Variants in RBMS1 observed in about 807,000 individuals in gnomAD.
RBMS1 encodes the protein RNA-binding motif, single-stranded-interacting protein 1.
Under a neutral mutation model 62.3 loss-of-function variants are expected in RBMS1, and 17 were observed. That is an observed-to-expected ratio of 0.27 (90% CI 0.19 to 0.41). The LOEUF (loss-of-function observed/expected upper bound fraction) is 0.41. Among genes scored for constraint, RBMS1 ranks in the 10% least tolerant of loss-of-function variants. The pLI is 1.00. For missense variants in RBMS1, 334 were observed against 504.5 expected, an observed-to-expected ratio of 0.66 and a Z score of 3.24; for synonymous variants, 172 against 170.0, an observed-to-expected ratio of 1.01 and a Z score of -0.09.
At chr2:160,483,390 TA>T in intron 1 of RBMS1, among the ~76,000 whole-genome samples, 1 of 152,330 alleles carries the variant, frequency 6.6e-6, no homozygotes, top group Middle Eastern at 3.4e-3. Flanking sequence ...TACTTCCTAT[TA>T]TGCTAATTAA....
intron 2 of RBMS1, among the ~76,000 whole-genome samples, chr2:160,322,515 C>T (rs1443907287): frequency 6.6e-6 from 1 of 152,156 alleles, no homozygotes; most frequent in Non-Finnish European, 1.5e-5. Context: ...TGTGGTTTTC[C>T]TTGCAAGTTG....
chr2:160,304,833 T>C (rs576130595), intron 4 of RBMS1, among the ~76,000 whole-genome samples: 70 of 152,236 alleles, frequency 4.6e-4, no homozygotes, highest in African/African-American at 1.5e-3. Flanking sequence ...AAAGTTACAA[T>C]AAGCTGATTC....
At chr2:160,368,813 T>C (rs1231286756) in intron 1 of RBMS1, among the ~76,000 whole-genome samples, 2 of 152,068 alleles carry the variant, frequency 1.3e-5, no homozygotes, top group Admixed American at 6.6e-5. Context: ...CTAATTTTTG[T>C]ATTTTTAGTA....
At chr2:160,493,092 C>T (rs1276455181) in intron 1 of RBMS1, 197 bp downstream of exon 1, 1 of 559,136 alleles carries the variant, frequency 1.8e-6, no homozygotes, top group East Asian at 3.2e-5. Context: ...ACCCGATCCC[C>T]GCACTCCGCT....
intron 1 of RBMS1, among the ~76,000 whole-genome samples, chr2:160,419,526 A>G (rs987635302): frequency 4.6e-5 from 7 of 152,216 alleles, no homozygotes; most frequent in African/African-American, 1.7e-4. Context: ...TTAAAAGGTT[A>G]TATCAGTAAA....
At chr2:160,414,656 ATAGT>A (rs879908494) in intron 1 of RBMS1, among the ~76,000 whole-genome samples, 1 of 152,168 alleles carries the variant, frequency 6.6e-6, no homozygotes, top group Non-Finnish European at 1.5e-5. Context: ...CTCTGGCATA[ATAGT>A]TAATAAAAAT....
At chr2:160,326,189 C>T (rs1573865363) in intron 2 of RBMS1, among the ~76,000 whole-genome samples, 1 of 152,164 alleles carries the variant, frequency 6.6e-6, no homozygotes, top group Admixed American at 6.5e-5. Context: ...AAGATAAGTA[C>T]AGTCAAGAAA....
intron 4 of RBMS1, among the ~76,000 whole-genome samples, chr2:160,312,085 G>T (rs935401439): frequency 2.0e-5 from 3 of 152,198 alleles, no homozygotes; most frequent in Non-Finnish European, 4.4e-5. Flanking sequence ...TTTGAAAGTG[G>T]GGTTGGGGGG....
chr2:160,448,589 C>G (rs919416194), intron 1 of RBMS1, among the ~76,000 whole-genome samples: 1 of 152,386 alleles, frequency 6.6e-6, no homozygotes, highest in Non-Finnish European at 1.5e-5. Context: ...GTCTCGCTCA[C>G]TCAGTGCTCG....
At chr2:160,352,168 G>A (rs1049997026) in intron 2 of RBMS1, among the ~76,000 whole-genome samples, 3 of 152,132 alleles carry the variant, frequency 2.0e-5, no homozygotes, top group African/African-American at 7.2e-5. Context: ...CTGGGCTTAA[G>A]AGAAGTTCTG....
intron 1 of RBMS1, chr2:160,407,918 C>CGGGGGCGGGGA (rs1412475846): frequency 1.0e-6 from 1 of 980,322 alleles, no homozygotes; most frequent in African/African-American, 1.8e-5. Context: ...GCGCGCCGGC[C>CGGGGGCGGGGA]GGGGGCGGGG....
rs1047979258 is a variant in RBMS1 at position 160,371,915 on chromosome 2, T to A, written c.76-4524A>T. Among the ~76,000 whole-genome samples, 5 of 152,194 alleles carry A rather than the reference T, an allele frequency of 3.3e-5. No individual in the cohort carries two copies. The South Asian group carries it at 8.3e-4, about 25-fold the overall frequency. ...CAACTATACACAGGGTAATACTATC[T>A]CCCTCTCTATCACATCACCCCCTAT... On this transcript the variant is annotated intron_variant, in intron 1 of 13. Transcript: ENST00000348849.
chr2:160,420,222 C>A (rs1036022200), intron 1 of RBMS1, among the ~76,000 whole-genome samples: 1 of 152,162 alleles, frequency 6.6e-6, no homozygotes, highest in South Asian at 2.1e-4. Flanking sequence ...CACTTTCTAA[C>A]TCCCTTGTCC....
intron 4 of RBMS1, among the ~76,000 whole-genome samples, chr2:160,311,236 A>AC (rs1689874811): frequency 1.6e-5 from 1 of 60,720 alleles, no homozygotes; most frequent in African/African-American, 6.0e-5. Context: ...ATCTATCTAT[A>AC]TATATATATA....
intron 1 of RBMS1, among the ~76,000 whole-genome samples, chr2:160,383,896 G>C (rs972031144): frequency 2.6e-5 from 4 of 152,174 alleles, no homozygotes; most frequent in African/African-American, 9.6e-5. Flanking sequence ...TGGGGATGGA[G>C]TAAATAAATA....
chr2:160,422,333 C>A (rs572388087), intron 1 of RBMS1, among the ~76,000 whole-genome samples: 1 of 152,082 alleles, frequency 6.6e-6, no homozygotes, highest in Non-Finnish European at 1.5e-5. Flanking sequence ...AAAACCTACA[C>A]ATCCACTTTC....
intron 2 of RBMS1, among the ~76,000 whole-genome samples, chr2:160,340,025 G>C (rs930272725): frequency 1.3e-5 from 2 of 152,084 alleles, no homozygotes; most frequent in Non-Finnish European, 2.9e-5. Context: ...GATCAGTTTA[G>C]ATTAATTTCA....
intron 1 of RBMS1, among the ~76,000 whole-genome samples, chr2:160,367,889 G>C (rs977700094): frequency 5.9e-5 from 9 of 152,158 alleles, no homozygotes; most frequent in African/African-American, 1.9e-4. Context: ...ATCTCACCTA[G>C]TTCTAAGACA....
At chr2:160,337,662 G>T (rs1350103939) in intron 2 of RBMS1, among the ~76,000 whole-genome samples, 1 of 151,866 alleles carries the variant, frequency 6.6e-6, no homozygotes, top group Non-Finnish European at 1.5e-5. Context: ...AAAAAAACTG[G>T]GGGGGAGGGG....
Sources: allele counts gnomAD v4.1 joint callset (sites outside exome capture counted in the v4.1 genomes callset), GRCh38; gene constraint gnomAD v4.1.1; transcripts MANE v1.5; gene names NCBI Gene and HGNC (gene_info 2026-07-23, HGNC 2026-07-21).